ARMC6: variants seen among roughly 807,000 people sequenced by gnomAD.
ARMC6 encodes the protein armadillo repeat containing 6.
ARMC6 carries 43 observed loss-of-function variants against 49.2 expected under a neutral mutation model. The observed-to-expected ratio is 0.87, with a 90% CI of 0.69 to 1.13. The LOEUF is 1.13. ARMC6 is among the 50% of genes most tolerant of loss of function. ARMC6 has a pLI of 0.00. For missense variants in ARMC6, 627 were observed against 682.0 expected, an observed-to-expected ratio of 0.92 and a Z score of 0.90; for synonymous variants, 262 against 289.6, an observed-to-expected ratio of 0.90 and a Z score of 0.97.
Position 19,055,394 on chromosome 19 carries a change from CA to C in ARMC6, c.1154del (p.Gln385ArgfsTer37), listed in dbSNP as rs1224096247. On this transcript the variant is annotated frameshift_variant and splice_region_variant, in exon 7 of 9. Coordinates refer to ENST00000535612, the MANE Select transcript of ARMC6 (RefSeq NM_001199196.2). LOFTEE classifies it high-confidence loss of function. The surrounding 1 kb of genome is among the most constrained non-coding windows in gnomAD (Gnocchi z 5.7). ...TATGACCCAGCATCTGACCAGCCCCCAGGTACCCACCTCGGGGGGCACACAC... is the reference window on the plus strand; with the variant it reads ...TATGACCCAGCATCTGACCAGCCCCCGGTACCCACCTCGGGGGGCACACAC... ...AAMTQHLTSP[Q>X]VCEQSCAALC... The C allele has an allele frequency of 1.9e-6, 3 of 1,601,404 alleles. No homozygotes were observed. The South Asian group carries it at 3.3e-5, about 18-fold the overall frequency.
chr19:19,057,452 C>T lies in ARMC6; in HGVS notation c.1330C>T (p.His444Tyr). Residue 444 changes from histidine (H) to tyrosine (Y), a missense_variant, in exon 9 of 9, where the codon CAC becomes TAC. His to Tyr is a moderately conservative substitution (Grantham distance 83). Coordinates refer to ENST00000535612, the MANE Select transcript of ARMC6 (RefSeq NM_001199196.2). ...CATGCTGATCCGAAACCTGGTGGCC[C>T]ACGGCCAGGCCTTCTCGAAGCCCAT... ...ACMLIRNLVA[H>Y]GQAFSKPILD... is the part of the protein sequence containing the mutation. The T allele has an allele frequency of 6.2e-7, 1 of 1,613,830 alleles. No individual in the cohort carries two copies. Among genetic ancestry groups the T allele is most frequent in the Non-Finnish European group, 8.5e-7 (1 of 1,180,010 alleles).
chr19:19,043,770 C>T (rs1007036976), intron 3 of ARMC6, among the ~76,000 whole-genome samples: 4 of 152,150 alleles, frequency 2.6e-5, no homozygotes, highest in Admixed American at 6.5e-5. Flanking sequence ...GGCCTCACTA[C>T]CACTCTGCTC....
chr19:19,052,047 C>T lies in ARMC6; in HGVS notation c.705C>T (p.His235=), dbSNP rs1454013578. 2 of 1,613,986 alleles carry T rather than the reference C, an allele frequency of 1.2e-6. No homozygotes were observed. The highest frequency in any genetic ancestry group is 1.7e-6 in the Non-Finnish European group (2 of 1,180,044). Residue 235 remains histidine (H), a synonymous_variant, in exon 5 of 9, where the codon CAC becomes CAT. Transcript: ENST00000535612. The stretch of plus-strand genomic sequence containing the variant: ...GTGCCATCACCCATCATGGCCACCA[C>T]ACTGACGTGGTCAGGGAAGCCTGCT... ...LTGAITHHGH[H]TDVVREACWA...
intron 4 of ARMC6, among the ~76,000 whole-genome samples, chr19:19,046,467 G>A (rs2059451394): frequency 1.3e-5 from 2 of 151,702 alleles, no homozygotes; most frequent in South Asian, 2.1e-4. Flanking sequence ...AAAGTGCTGG[G>A]ATTACAGGTG....
In ARMC6 at chr19:19,052,151, T is replaced by C. The variant is rs1235552003; in HGVS notation, c.809T>C (p.Val270Ala). 14 of 1,612,920 alleles carry C rather than the reference T, an allele frequency of 8.7e-6. No homozygotes were observed. The highest frequency in any genetic ancestry group is 1.1e-5 in the Non-Finnish European group (13 of 1,179,608). ...GHAHNHAKMI[V>A]QENKGLKVLI... ...GCCCACAACCATGCCAAGATGATTG[T>C]GCAGGAGAACAAAGGCTTGAAGGTG... The change falls in exon 5 of 9, where the codon GTG becomes GCG. Residue 270 changes from valine (V) to alanine (A), a missense_variant. By Grantham distance (64) the Val-to-Ala change is moderately conservative (BLOSUM62 0). Transcript: ENST00000535612.
chr19:19,042,462 C>G (rs547388536), intron 2 of ARMC6, among the ~76,000 whole-genome samples: 1 of 152,308 alleles, frequency 6.6e-6, no homozygotes, highest in South Asian at 2.1e-4. Flanking sequence ...GATCCTCCCA[C>G]CTCGGCCTCT....
At chr19:19,037,164 G>A (rs530251191) in intron 2 of ARMC6, among the ~76,000 whole-genome samples, 12 of 152,094 alleles carry the variant, frequency 7.9e-5, no homozygotes, top group South Asian at 2.1e-4. Flanking sequence ...CAACCTGGGC[G>A]ACAGAGCGAG....
At position 19,052,151 on chromosome 19, in the gene ARMC6, T is replaced by A; in HGVS notation, c.809T>A (p.Val270Glu). Residue 270 changes from valine to glutamate, a missense_variant, in exon 5 of 9, where the codon GTG (valine) becomes GAG (glutamate). Physicochemically the swap from Val to Glu is moderately radical, Grantham distance 121 (BLOSUM62 -2). Transcript: ENST00000535612. The stretch of plus-strand genomic sequence containing the variant: ...GCCCACAACCATGCCAAGATGATTG[T>A]GCAGGAGAACAAAGGCTTGAAGGTG... Reference protein sequence around the residue: ...GHAHNHAKMIVQENKGLKVLI... With the variant: ...GHAHNHAKMIEQENKGLKVLI... 6.2e-7 allele frequency: 1 copy of A among 1,613,038 alleles called. No individual in the cohort carries two copies. Among genetic ancestry groups the A allele is most frequent in the Non-Finnish European group, 8.5e-7 (1 of 1,179,600 alleles).
At chr19:19,036,093 G>T (rs968015548) in intron 2 of ARMC6, among the ~76,000 whole-genome samples, 2 of 152,032 alleles carry the variant, frequency 1.3e-5, no homozygotes, top group Non-Finnish European at 2.9e-5. Flanking sequence ...ATAGAGTCTC[G>T]CTCTGTCGCC....
intron 2 of ARMC6, among the ~76,000 whole-genome samples, chr19:19,034,466 C>CT (rs1405573695): frequency 2.0e-5 from 3 of 152,142 alleles, no homozygotes. Flanking sequence ...GAGGTGGAGT[C>CT]TAGGCTCTGG....
chr19:19,034,705 C>T (rs1289650859), intron 2 of ARMC6, among the ~76,000 whole-genome samples: 2 of 152,128 alleles, frequency 1.3e-5, no homozygotes, highest in African/African-American at 4.8e-5. Flanking sequence ...TCCCCTGCCT[C>T]AGCCTCCCGA....
intron 3 of ARMC6, 21 bp downstream of exon 3, chr19:19,042,898 C>T (rs1396652305): frequency 1.9e-6 from 3 of 1,612,470 alleles, no homozygotes; most frequent in Non-Finnish European, 2.5e-6. Flanking sequence ...GTGACTGTCA[C>T]CTACCATCCT....
At chr19:19,044,203 G>C in intron 4 of ARMC6, 129 bp downstream of exon 4, 1 of 928,374 alleles carries the variant, frequency 1.1e-6, no homozygotes, top group Non-Finnish European at 1.7e-6. Flanking sequence ...GGGCAAGCTT[G>C]AGTTTGCAGC....
chr19:19,047,935 G>A (rs2059464839), intron 4 of ARMC6, among the ~76,000 whole-genome samples: 1 of 152,196 alleles, frequency 6.6e-6, no homozygotes, highest in African/African-American at 2.4e-5. Context: ...TTCTGGCCAG[G>A]TGCTGTGGCT....
At chr19:19,054,767 T>C (rs551259349) in intron 6 of ARMC6, among the ~76,000 whole-genome samples, 26 of 152,342 alleles carry the variant, frequency 1.7e-4, no homozygotes, top group African/African-American at 5.3e-4. Flanking sequence ...GCCACGGTCC[T>C]GCGCCCCCAA....
intron 3 of ARMC6, 68 bp from the exon 4 acceptor site, chr19:19,043,924 G>A: frequency 2.7e-6 from 4 of 1,455,522 alleles, no homozygotes; most frequent in Non-Finnish European, 3.9e-6. Context: ...ATTCCAGCAG[G>A]CCCACGGGGA....
In ARMC6 at chr19:19,056,026, T is replaced by G. The variant is rs925873713; in HGVS notation, c.1293+98T>G. The G allele has an allele frequency of 9.3e-6, 13 of 1,404,074 alleles. No homozygotes were observed. In the African/African-American group the frequency reaches 1.8e-4, roughly 20 times the overall value. The allele number at this position is 1,404,074 out of a possible 1,614,324, so 87.0% of individuals were successfully genotyped here. ...GCAGGTGCGGTGTGCGGGTGGGTGATGGGGCAAAGGCTCAGTCCCTATCCC... is the reference window on the plus strand; with the variant it reads ...GCAGGTGCGGTGTGCGGGTGGGTGAGGGGGCAAAGGCTCAGTCCCTATCCC... On this transcript the variant is annotated intron_variant, in intron 8 of 8. Coordinates refer to ENST00000535612, the MANE Select transcript of ARMC6 (RefSeq NM_001199196.2).
chr19:19,042,403 T>C (rs778105233), intron 2 of ARMC6, among the ~76,000 whole-genome samples: 64 of 152,030 alleles, frequency 4.2e-4, no homozygotes, highest in Non-Finnish European at 8.4e-4. Flanking sequence ...GGCTGGAGTG[T>C]AGTAGTGTGA....
rs2059430501 is a variant in ARMC6, at chr19:19,044,052, A to G, written c.257A>G (p.Glu86Gly). Residue 86 changes from glutamate (E) to glycine (G), a missense_variant, in exon 4 of 9, where the codon GAG becomes GGG. Transcript: ENST00000535612. ...APKVSADGSQ[E>G]PTHDILQMLS... ...AAAGTCTCTGCAGACGGATCCCAGG[A>G]GCCCACACATGACATCCTGCAGGTA... The G allele has an allele frequency of 3.1e-6, 5 of 1,614,126 alleles. No individual in the cohort carries two copies. In the East Asian group the frequency reaches 1.1e-4, roughly 36 times the overall value.
Sources: gnomAD v4.1 joint callset for allele counts (sites outside exome capture counted in the v4.1 genomes callset) on GRCh38, gnomAD v4.1.1 for gene constraint, Gnocchi (gnomAD v3.1) non-coding constraint, MANE v1.5 for transcripts, NCBI Gene and HGNC (gene_info 2026-07-23, HGNC 2026-07-21) for gene names.